KRTCAP3: variants seen among roughly 807,000 people sequenced by gnomAD.
KRTCAP3 encodes the protein keratinocyte associated protein 3, also known as keratinocyte-associated protein 3.
Under a neutral mutation model 20.5 loss-of-function variants are expected in KRTCAP3, and 18 were observed. The observed-to-expected ratio is 0.88, with a 90% CI of 0.61 to 1.31. The LOEUF (loss-of-function observed/expected upper bound fraction) is 1.31. KRTCAP3 is among the 50% of genes most tolerant of loss of function. KRTCAP3 has a pLI of 0.00. For missense variants in KRTCAP3, 347 were observed against 310.4 expected, an observed-to-expected ratio of 1.12 and a Z score of -0.89; for synonymous variants, 167 against 133.7, an observed-to-expected ratio of 1.25 and a Z score of -1.72.
chr2:27,443,455 C>G lies in KRTCAP3; in HGVS notation c.538C>G (p.Leu180Val), dbSNP rs145686945. The G allele has an allele frequency of 8.6e-5, 138 of 1,614,026 alleles. No individual in the cohort carries two copies. The highest frequency in any genetic ancestry group is 1.1e-4 in the Non-Finnish European group (135 of 1,180,018). Residue 180 changes from leucine (L) to valine (V), a missense_variant, in exon 5 of 7, where the codon CTA becomes GTA. Physicochemically the swap from Leu to Val is conservative, Grantham distance 32 (BLOSUM62 1). Coordinates refer to ENST00000288873, the MANE Select transcript of KRTCAP3 (RefSeq NM_173853.4). ...SLLMSAGEAA[L>V]SGYCCVAALT... ...GCTCATGTCTGCAGGGGAGGCTGCTCTATCTGGTTACTGCTGTGTGGCTGC... is the reference window on the plus strand; with the variant it reads ...GCTCATGTCTGCAGGGGAGGCTGCTGTATCTGGTTACTGCTGTGTGGCTGC...
At chr2:27,445,400 T>C (rs1320001121), downstream of KRTCAP3, 3 of 1,612,662 alleles carry the variant, frequency 1.9e-6, no homozygotes, top group Admixed American at 5.0e-5. This position sits in a 1 kb window ranked among gnomAD's most constrained non-coding sequence, Gnocchi z 4.4. Context: ...CAGCCGCTGG[T>C]CCATGGAGAC....
At chr2:27,446,093 T>C, downstream of KRTCAP3, 4 of 1,462,388 alleles carry the variant, frequency 2.7e-6, no homozygotes, top group Admixed American at 1.7e-5. Flanking sequence ...GCTTGAATGC[T>C]ATTTCTCTGG....
In KRTCAP3 at chr2:27,443,131, C is replaced by A; in HGVS notation, c.331C>A (p.Leu111Met). Residue 111 changes from leucine (L) to methionine (M), a missense_variant, in exon 4 of 7, where the codon CTG becomes ATG. Transcript: ENST00000288873. ...VNLLLSVACS[L>M]GLLLAVSLTV... ...CCTGCTCTTGTCCGTTGCCTGCTCC[C>A]TGGGCCTCCTTCTTGCTGTGTCACT... The A allele has an allele frequency of 6.2e-7, 1 of 1,614,144 alleles. No homozygotes were observed. The highest frequency in any genetic ancestry group is 1.6e-4 in the Middle Eastern group (1 of 6,062).
In KRTCAP3 at chr2:27,442,754, G is replaced by C; in HGVS notation, c.204G>C (p.Ser68=). The change falls in exon 2 of 7, where the codon TCG becomes TCC. Residue 68 remains serine, a synonymous_variant. Transcript: ENST00000288873. The stretch of plus-strand genomic sequence containing the variant: ...TAGCCAATGTCATCTCTGTCGGCTC[G>C]GGGCTGCTGGTGAGCGCGGCAGGCG... The part of the protein sequence containing the change: ...YTVANVISVG[S]GLLSVSVGLV... The C allele has an allele frequency of 6.2e-7, 1 of 1,609,118 alleles. No homozygotes were observed. The highest frequency in any genetic ancestry group is 8.5e-7 in the Non-Finnish European group (1 of 1,177,830).
downstream of KRTCAP3, chr2:27,446,033 T>TTTC (rs1359048051): frequency 1.9e-6 from 3 of 1,606,800 alleles, no homozygotes; most frequent in East Asian, 4.5e-5. Context: ...AAGCTGGGTT[T>TTTC]GAATGCTACT....
Position 27,443,542 on chromosome 2 carries a change from G to T in KRTCAP3, c.615+10G>T, listed in dbSNP as rs1218848222. 2.5e-6 allele frequency: 4 copies of T among 1,613,736 alleles called. No individual in the cohort carries two copies. In the East Asian group the frequency reaches 6.7e-5, roughly 27 times the overall value. On this transcript the variant is annotated intron_variant, in intron 5 of 6. Coordinates refer to ENST00000288873, the MANE Select transcript of KRTCAP3 (RefSeq NM_173853.4). ...CGGACTTCAGGGGCAGGTAAGGAAG[G>T]CAAACAGGAAGGGTTCATTCCACAG...
intron 5 of KRTCAP3, 142 bp downstream of exon 5, chr2:27,443,674 T>C: frequency 1.2e-6 from 1 of 854,908 alleles, no homozygotes; most frequent in Non-Finnish European, 1.8e-6. Flanking sequence ...AGGTCAGGAG[T>C]TTGAGACCAG....
At chr2:27,443,014 T>C (rs1664712508) in intron 3 of KRTCAP3, 60 bp from the exon 4 acceptor site, 2 of 1,568,426 alleles carry the variant, frequency 1.3e-6, no homozygotes. Context: ...ACTGGGTGTC[T>C]AGTCACTGGG....
downstream of KRTCAP3, chr2:27,444,607 C>T: frequency 2.0e-6 from 2 of 975,762 alleles, no homozygotes; most frequent in South Asian, 1.4e-5. Flanking sequence ...GGGTCTGCAT[C>T]TGCCTTCCTG....
At chr2:27,444,682 T>C (rs1055686607), downstream of KRTCAP3, among the ~76,000 whole-genome samples, 4 of 152,280 alleles carry the variant, frequency 2.6e-5, no homozygotes, top group East Asian at 7.7e-4. Context: ...AAGTCTTGCT[T>C]TGTCGCCCAG....
At chr2:27,445,494 C>G, downstream of KRTCAP3, 1 of 1,581,612 alleles carries the variant, frequency 6.3e-7, no homozygotes, top group East Asian at 2.3e-5. This position sits in a 1 kb window ranked among gnomAD's most constrained non-coding sequence, Gnocchi z 4.4. Context: ...CAGGGCAGGG[C>G]AGGACAAGTT....
chr2:27,445,956 G>A (rs748257330), downstream of KRTCAP3: 4 of 1,614,104 alleles, frequency 2.5e-6, no homozygotes, highest in African/African-American at 2.7e-5. The surrounding 1 kb of genome is among the most constrained non-coding windows in gnomAD (Gnocchi z 4.4). Context: ...AGCGATTGAG[G>A]AAGATGAATG....
chr2:27,446,107 C>T (rs541271340), downstream of KRTCAP3: 1,061 of 1,414,652 alleles, frequency 7.5e-4, 1 homozygote, highest in South Asian at 1.8e-3. Flanking sequence ...TCTCTGGGAT[C>T]CAGGGAGAAA....
At chr2:27,444,513 G>A (rs1245047323), downstream of KRTCAP3, 3 of 1,613,294 alleles carry the variant, frequency 1.9e-6, no homozygotes, top group South Asian at 1.1e-5. Flanking sequence ...ACACTGGGCT[G>A]TGGGAGGTCT....
chr2:27,442,874 G>C lies in KRTCAP3; in HGVS notation c.246G>C (p.Ala82=). The change falls in exon 3 of 7, where the codon GCG becomes GCC. Residue 82 remains alanine (A), a synonymous_variant. Coordinates refer to ENST00000288873, the MANE Select transcript of KRTCAP3 (RefSeq NM_173853.4). ...SVSVGLVALL[A]SRNLLRPPLH... ...CCGTGGGACTTGTGGCCCTCCTGGC[G>C]TCCAGGAACCTTCTTCGCCCTCCAC... The C allele has an allele frequency of 1.2e-6, 2 of 1,612,776 alleles. No homozygotes were observed.
In KRTCAP3 at chr2:27,442,824, G is replaced by A. The variant is rs1177713394; in HGVS notation, c.214-18G>A. ...TCCCGGAGAGCCCAGCAGGCCAAAG[G>A]CTTTGTGTCTTCCACAGAGCGTTTC... On this transcript the variant is annotated intron_variant, in intron 2 of 6. Coordinates refer to ENST00000288873, the MANE Select transcript of KRTCAP3 (RefSeq NM_173853.4). 3 of 1,611,624 alleles carry A rather than the reference G, an allele frequency of 1.9e-6. No homozygotes were observed. The highest frequency in any genetic ancestry group is 1.1e-5 in the South Asian group (1 of 91,088).
In KRTCAP3 at chr2:27,442,384, G is replaced by C; in HGVS notation, c.-29G>C. ...TGGGGCGGGGCCGGGCCCAGGTACA[G>C]CGGCCCTGCGGCTGGCGCGGCGGAC... On this transcript the variant is annotated 5_prime_UTR_variant, in exon 1 of 7. Transcript: ENST00000288873. 1.3e-6 allele frequency: 2 copies of C among 1,545,206 alleles called. No individual in the cohort carries two copies. Among genetic ancestry groups the C allele is most frequent in the Non-Finnish European group, 1.7e-6 (2 of 1,145,748 alleles).
At chr2:27,445,688 C>T (rs1665012464), downstream of KRTCAP3, 2 of 1,584,906 alleles carry the variant, frequency 1.3e-6, no homozygotes, top group Non-Finnish European at 1.7e-6. This position sits in a 1 kb window ranked among gnomAD's most constrained non-coding sequence, Gnocchi z 4.4. Flanking sequence ...GATATTCTCC[C>T]TCCTCAAGGC....
chr2:27,442,616 C>A lies in KRTCAP3; in HGVS notation c.66C>A (p.Gly22=). ...ARGPRRLMRV[G]LALILVGHVN... is the part of the protein sequence containing the mutation. ...GGCCCAGGCGGCTGATGCGTGTGGG[C>A]CTCGCGCTGATCTTGGTGGGCCACG... The change falls in exon 2 of 7, where the codon GGC becomes GGA. Residue 22 remains glycine, a synonymous_variant. Coordinates refer to ENST00000288873, the MANE Select transcript of KRTCAP3 (RefSeq NM_173853.4). 1.3e-6 allele frequency: 2 copies of A among 1,567,942 alleles called. No homozygotes were observed.
Sources: allele counts gnomAD v4.1 joint callset (sites outside exome capture counted in the v4.1 genomes callset), GRCh38; gene constraint gnomAD v4.1.1; non-coding constraint Gnocchi (gnomAD v3.1); transcripts MANE v1.5; gene names NCBI Gene and HGNC (gene_info 2026-07-23, HGNC 2026-07-21).